Variants in ARFGEF3 observed in about 807,000 individuals in gnomAD.
The protein encoded by ARFGEF3 is brefeldin A-inhibited guanine nucleotide-exchange protein 3.
In ARFGEF3, 96 loss-of-function variants were observed where a neutral mutation model predicts 221.7. That is an observed-to-expected ratio of 0.43 (90% CI 0.37 to 0.51). ARFGEF3 has a LOEUF of 0.51. ARFGEF3 is among the 20% of genes least tolerant of loss of function. The pLI is 0.00. For missense variants in ARFGEF3, 2,410 were observed against 2,789.9 expected (o/e 0.86, Z 3.07); for synonymous variants, 1,145 against 1,126.8 (o/e 1.02, Z -0.32).
intron 32 of ARFGEF3, among the ~76,000 whole-genome samples, chr6:138,331,831 A>T (rs1020551329): frequency 2.0e-5 from 3 of 152,216 alleles, no homozygotes; most frequent in Admixed American, 2.0e-4. Flanking sequence ...TAAGAATTGC[A>T]TATCTATAAA....
intron 12 of ARFGEF3, among the ~76,000 whole-genome samples, chr6:138,265,274 A>G (rs1778873481): frequency 6.6e-6 from 1 of 152,208 alleles, no homozygotes; most frequent in Admixed American, 6.5e-5. Flanking sequence ...TTTTTACTCC[A>G]GAAATTTTCA....
intron 2 of ARFGEF3, among the ~76,000 whole-genome samples, chr6:138,197,287 C>T (rs2114478414): frequency 6.6e-6 from 1 of 152,326 alleles, no homozygotes; most frequent in South Asian, 2.1e-4. Context: ...CAGTAAAATG[C>T]ATGGAGCTGT....
chr6:138,308,691 G>A lies in ARFGEF3; in HGVS notation c.3974-48G>A, dbSNP rs377351025. ...GAATATGGGCAACCCTGGCAAACCC[G>A]AGGGCAGAAACTTACTTTCTTACAA... On this transcript the variant is annotated intron_variant, in intron 23 of 33. Coordinates refer to ENST00000251691, the MANE Select transcript of ARFGEF3 (RefSeq NM_020340.5). The A allele has an allele frequency of 3.2e-5, 52 of 1,609,668 alleles. No homozygotes were observed. In the African/African-American group the frequency reaches 5.6e-4, roughly 17 times the overall value.
In ARFGEF3 at chr6:138,328,129, C is replaced by A; in HGVS notation, c.5110C>A (p.His1704Asn). Residue 1704 changes from histidine to asparagine, a missense_variant, in exon 32 of 34, where the codon CAC (histidine) becomes AAC (asparagine). Transcript: ENST00000251691. Reference protein sequence around the residue: ...ELPPDEKPNGHTKKSVSFREI... With the variant: ...ELPPDEKPNGNTKKSVSFREI... ...GCCTCCTGATGAAAAACCAAATGGA[C>A]ACACCAAGAAAAGGTAAGTACCTAA... The A allele has an allele frequency of 1.3e-6, 2 of 1,594,230 alleles. No individual in the cohort carries two copies. Among genetic ancestry groups the A allele is most frequent in the Non-Finnish European group, 1.7e-6 (2 of 1,169,610 alleles).
At chr6:138,189,590 CA>C (rs1161120194) in intron 2 of ARFGEF3, among the ~76,000 whole-genome samples, 2 of 152,174 alleles carry the variant, frequency 1.3e-5, no homozygotes, top group African/African-American at 4.8e-5. Flanking sequence ...GTATATCAAA[CA>C]CGTTTTTCCA....
intron 22 of ARFGEF3, 53 bp from the exon 23 acceptor site, chr6:138,307,200 T>A: frequency 6.3e-7 from 1 of 1,582,254 alleles, no homozygotes; most frequent in Non-Finnish European, 8.7e-7. Context: ...TCCCAGAAAT[T>A]CTGCTCCTTT....
At chr6:138,251,149 G>A (rs117921703) in intron 8 of ARFGEF3, among the ~76,000 whole-genome samples, 2,153 of 152,286 alleles carry the variant, frequency 0.014, 23 homozygotes, top group Middle Eastern at 0.02. Context: ...CCCTGTCAGC[G>A]AGTCTGATAA....
At chr6:138,287,586 T>C (rs1262547008) in intron 17 of ARFGEF3, among the ~76,000 whole-genome samples, 1 of 152,070 alleles carries the variant, frequency 6.6e-6, no homozygotes, top group Non-Finnish European at 1.5e-5. Flanking sequence ...ACGAAGAAAA[T>C]TCATGAGGGG....
At chr6:138,184,311 G>T (rs1056415297) in intron 2 of ARFGEF3, among the ~76,000 whole-genome samples, 2 of 151,924 alleles carry the variant, frequency 1.3e-5, no homozygotes, top group African/African-American at 4.8e-5. Flanking sequence ...TCCTTACTGG[G>T]TTCTTATGAA....
chr6:138,218,871 G>A (rs942585782), intron 4 of ARFGEF3, among the ~76,000 whole-genome samples: 8 of 152,156 alleles, frequency 5.3e-5, no homozygotes, highest in African/African-American at 1.9e-4. Flanking sequence ...GTGAGATTAA[G>A]TCAAAATCTG....
At position 138,207,096 on chromosome 6, in the gene ARFGEF3, G is replaced by A; in HGVS notation, c.192G>A (p.Leu64=). 1.9e-6 allele frequency: 3 copies of A among 1,611,422 alleles called. No individual in the cohort carries two copies. The highest frequency in any genetic ancestry group is 2.5e-6 in the Non-Finnish European group (3 of 1,178,994). The change falls in exon 3 of 34, where the codon CTG becomes CTA. Residue 64 remains leucine (L), a synonymous_variant. Transcript: ENST00000251691. ...CTTTGGAATCCAAGAATGTGAAGCTGGCCCAACATGCTTTGGCAGGGATGC... is the reference window on the plus strand; with the variant it reads ...CTTTGGAATCCAAGAATGTGAAGCTAGCCCAACATGCTTTGGCAGGGATGC... ...QLALESKNVK[L]AQHALAGMQK...
chr6:138,284,028 C>T (rs1212917517), intron 14 of ARFGEF3, among the ~76,000 whole-genome samples: 4 of 152,192 alleles, frequency 2.6e-5, no homozygotes, highest in South Asian at 2.1e-4. Context: ...CTAATAATTA[C>T]AGGCAGTGGC....
At chr6:138,181,864 C>T (rs980559339) in intron 2 of ARFGEF3, among the ~76,000 whole-genome samples, 2 of 152,190 alleles carry the variant, frequency 1.3e-5, no homozygotes, top group Admixed American at 1.3e-4. Context: ...GCTTTCGTTT[C>T]AAACTGTGCC....
intron 5 of ARFGEF3, 51 bp downstream of exon 5, chr6:138,229,903 ACTGG>A: frequency 3.5e-6 from 5 of 1,436,564 alleles, no homozygotes; most frequent in Non-Finnish European, 3.9e-6. Context: ...TTTATCTCTG[ACTGG>A]GATAAATATT....
rs557390803 is a variant in ARFGEF3, at chr6:138,342,409, A to G, written c.*5923A>G. The G allele has an allele frequency of 6.6e-6, 1 of 152,280 alleles. No homozygotes were observed. Among genetic ancestry groups the G allele is most frequent in the African/African-American group, 2.4e-5 (1 of 41,558 alleles). The allele number at this position is 152,280 out of a possible 1,614,324, so 9.4% of individuals were successfully genotyped here. ...TCTACCCTTGGGCAGATGACTTGGGATTGGATTCTATACAGCAGTCTTGCT... is the reference window on the plus strand; with the variant it reads ...TCTACCCTTGGGCAGATGACTTGGGGTTGGATTCTATACAGCAGTCTTGCT... On this transcript the variant is annotated 3_prime_UTR_variant, in exon 34 of 34. Coordinates refer to ENST00000251691, the MANE Select transcript of ARFGEF3 (RefSeq NM_020340.5).
At chr6:138,219,570 T>C (rs1193850021) in intron 4 of ARFGEF3, among the ~76,000 whole-genome samples, 1 of 152,142 alleles carries the variant, frequency 6.6e-6, no homozygotes, top group Non-Finnish European at 1.5e-5. Flanking sequence ...TGCAGAAAGG[T>C]GTGGCTGAGT....
intron 12 of ARFGEF3, among the ~76,000 whole-genome samples, chr6:138,266,614 C>T (rs1778897235): frequency 6.6e-6 from 1 of 152,046 alleles, no homozygotes; most frequent in South Asian, 2.1e-4. Context: ...CTTTGGGAGG[C>T]CGAGGCAGGC....
Position 138,203,808 on chromosome 6 carries a change from T to G in ARFGEF3, c.138-3234T>G, listed in dbSNP as rs558009738. On this transcript the variant is annotated intron_variant, in intron 2 of 33. Transcript: ENST00000251691. Reference sequence around the variant, plus strand: ...GGCCCACGCCACCATGCCCAGCTGATTTTTTTGCATTTTTAGTAGAGACGG... The same window carrying G: ...GGCCCACGCCACCATGCCCAGCTGAGTTTTTTGCATTTTTAGTAGAGACGG... Among the ~76,000 whole-genome samples, 112 of 152,158 alleles carry G rather than the reference T, an allele frequency of 7.4e-4. 3 individuals carry two copies. The highest frequency in any genetic ancestry group is 7.3e-3 in the Admixed American group (111 of 15,288).
intron 21 of ARFGEF3, 58 bp from the exon 22 acceptor site, chr6:138,298,548 A>G: frequency 6.9e-7 from 1 of 1,459,372 alleles, no homozygotes; most frequent in Non-Finnish European, 9.4e-7. Flanking sequence ...AAGCCTTCAG[A>G]AACCATTCTC....
Sources: gnomAD v4.1 joint callset for allele counts (sites outside exome capture counted in the v4.1 genomes callset) on GRCh38, gnomAD v4.1.1 for gene constraint, MANE v1.5 for transcripts, NCBI Gene and HGNC (gene_info 2026-07-23, HGNC 2026-07-21) for gene names.